The following DNAI3 variants were observed in gnomAD, a reference collection of about 807,000 sequenced individuals.
The protein encoded by DNAI3 is WD repeat domain 63.
Under a neutral mutation model 115.5 loss-of-function variants are expected in DNAI3, and 83 were observed. That is an observed-to-expected ratio of 0.72 (90% CI 0.60 to 0.86). The LOEUF (loss-of-function observed/expected upper bound fraction) is 0.86. Ranked by LOEUF, DNAI3 falls within the 40% of genes least tolerant of loss-of-function variation. DNAI3 has a pLI of 0.00. For missense variants in DNAI3, 1,004 were observed against 1,075.8 expected (o/e 0.93, Z 0.93); for synonymous variants, 320 against 347.0 (o/e 0.92, Z 0.86).
chr1:85,110,354 G>A (rs1655617397), intron 16 of DNAI3, among the ~76,000 whole-genome samples: 1 of 151,774 alleles, frequency 6.6e-6, no homozygotes, highest in Admixed American at 6.6e-5. Flanking sequence ...CGGAGGCTGA[G>A]GCAGGAGAAT....
At chr1:85,118,565 C>T (rs1273348475) in intron 17 of DNAI3, among the ~76,000 whole-genome samples, 1 of 152,090 alleles carries the variant, frequency 6.6e-6, no homozygotes, top group African/African-American at 2.4e-5. Context: ...GAGAAGAGGC[C>T]ATAGCTCAGT....
At chr1:85,086,640 T>A (rs975896759) in intron 7 of DNAI3, among the ~76,000 whole-genome samples, 1 of 152,144 alleles carries the variant, frequency 6.6e-6, no homozygotes. Flanking sequence ...TCTCAGTAAG[T>A]GGTAATGATA....
chr1:85,096,092 T>C (rs1384327271), intron 11 of DNAI3, 72 bp downstream of exon 11: 1 of 1,373,584 alleles, frequency 7.3e-7, no homozygotes, highest in Non-Finnish European at 1.0e-6. Flanking sequence ...GACTTGGCAG[T>C]TCCTTGGACT....
chr1:85,065,736 A>G (rs537670622), intron 1 of DNAI3, among the ~76,000 whole-genome samples: 1 of 152,352 alleles, frequency 6.6e-6, no homozygotes, highest in East Asian at 1.9e-4. Flanking sequence ...GCTGATTCTG[A>G]CAACTTTCAC....
At chr1:85,127,757 G>A (rs773210983) in intron 20 of DNAI3, among the ~76,000 whole-genome samples, 8 of 152,128 alleles carry the variant, frequency 5.3e-5, no homozygotes, top group Non-Finnish European at 1.2e-4. Context: ...ATGAATCCAG[G>A]ATTTTGCAAT....
At chr1:85,082,503 T>G in intron 5 of DNAI3, 99 bp downstream of exon 5, 6 of 911,436 alleles carry the variant, frequency 6.6e-6, no homozygotes, top group Non-Finnish European at 8.6e-6. Flanking sequence ...TAGAGTGCAG[T>G]GGCACAATCA....
intron 3 of DNAI3, among the ~76,000 whole-genome samples, chr1:85,079,677 A>C (rs1654570791): frequency 6.6e-6 from 1 of 152,132 alleles, no homozygotes; most frequent in South Asian, 2.1e-4. Context: ...AACAGGAAGA[A>C]GGCTTGAGAG....
chr1:85,093,896 A>G (rs1655053424), intron 9 of DNAI3: 3 of 607,518 alleles, frequency 4.9e-6, no homozygotes, highest in Non-Finnish European at 9.2e-6. Context: ...CAGGGAAGTG[A>G]CTCGCCCAGG....
In DNAI3 at chr1:85,095,844, A is replaced by G; in HGVS notation, c.1174-87A>G. 3 of 1,291,602 alleles carry G rather than the reference A, an allele frequency of 2.3e-6. No homozygotes were observed. The South Asian group carries it at 3.6e-5, about 16-fold the overall frequency. 80.0% of individuals were successfully genotyped at this position (1,291,602 alleles called of 1,614,324 possible). On this transcript the variant is annotated intron_variant, in intron 10 of 22. Coordinates refer to ENST00000294664, the MANE Select transcript of DNAI3 (RefSeq NM_145172.5). ...CTTGCTTATAGATAGCTATAAAATT[A>G]GACTTTTAACTGTCTTAATATTATT... is the stretch of plus-strand genomic sequence containing the variant.
chr1:85,082,820 G>C (rs1354100831), intron 5 of DNAI3, among the ~76,000 whole-genome samples: 2 of 152,180 alleles, frequency 1.3e-5, no homozygotes, highest in African/African-American at 4.8e-5. Context: ...ACTAAATCAA[G>C]TATCTCAGGG....
intron 13 of DNAI3, among the ~76,000 whole-genome samples, chr1:85,099,641 C>T (rs1436072851): frequency 6.6e-6 from 1 of 152,182 alleles, no homozygotes; most frequent in East Asian, 1.9e-4. Context: ...CATATGGAAC[C>T]AAAAAAGAGC....
At chr1:85,120,735 C>T (rs1474897175) in intron 17 of DNAI3, among the ~76,000 whole-genome samples, 1 of 152,130 alleles carries the variant, frequency 6.6e-6, no homozygotes, top group African/African-American at 2.4e-5. Flanking sequence ...AACATGTACC[C>T]ATCTGTCTGC....
chr1:85,130,431 A>G (rs1180839676), intron 22 of DNAI3, among the ~76,000 whole-genome samples: 5 of 152,318 alleles, frequency 3.3e-5, no homozygotes, highest in Non-Finnish European at 7.3e-5. Context: ...AAGGTGGTGC[A>G]AAAAGAGTTG....
intron 1 of DNAI3, among the ~76,000 whole-genome samples, chr1:85,065,010 G>C (rs1331871097): frequency 6.6e-6 from 1 of 152,126 alleles, no homozygotes; most frequent in Non-Finnish European, 1.5e-5. Context: ...TCCAGCCTGG[G>C]TGACAGAGCA....
chr1:85,065,085 A>G lies in DNAI3; in HGVS notation c.-15+2599A>G, dbSNP rs151276871. ...AGATGGAAACAAGCATTATGAGCTT[A>G]TAAATTATTTGGGAAGAGGAAAGAG... On this transcript the variant is annotated intron_variant, in intron 1 of 22. Transcript: ENST00000294664. Among the ~76,000 whole-genome samples the G allele has an allele frequency of 3.3e-4, 51 of 152,280 alleles. 1 individual carries two copies. The East Asian group carries it at 6.0e-3, about 18-fold the overall frequency.
chr1:85,068,127 CT>C (rs10717211), intron 1 of DNAI3, among the ~76,000 whole-genome samples: 73,156 of 147,328 alleles, frequency 0.5, 17,986 homozygotes, highest in Middle Eastern at 0.58. Flanking sequence ...ATTAATCTAA[CT>C]TTTTTTTTTT....
At chr1:85,126,415 A>G in intron 19 of DNAI3, 96 bp from the exon 20 acceptor site, 1 of 1,282,494 alleles carries the variant, frequency 7.8e-7, no homozygotes, top group Non-Finnish European at 1.1e-6. Flanking sequence ...ATATGATCAT[A>G]GCTAGCTTGA....
intron 13 of DNAI3, among the ~76,000 whole-genome samples, chr1:85,099,661 C>G (rs2100587731): frequency 6.6e-6 from 1 of 152,270 alleles, no homozygotes; most frequent in Admixed American, 6.5e-5. Context: ...CCCGCATTGC[C>G]AAGTCAATCC....
intron 16 of DNAI3, among the ~76,000 whole-genome samples, chr1:85,116,142 T>C (rs1655810465): frequency 6.6e-6 from 1 of 152,238 alleles, no homozygotes; most frequent in African/African-American, 2.4e-5. Flanking sequence ...CTTTCCTCAT[T>C]GGTAACACAG....
Sources: allele counts gnomAD v4.1 joint callset (sites outside exome capture counted in the v4.1 genomes callset), GRCh38; gene constraint gnomAD v4.1.1; transcripts MANE v1.5; gene names NCBI Gene and HGNC (gene_info 2026-07-23, HGNC 2026-07-21).